The following BCL6 variants were observed in gnomAD, a reference collection of about 807,000 sequenced individuals.
The protein encoded by BCL6 is BCL6 transcription repressor.
BCL6 carries 7 observed loss-of-function variants against 59.5 expected under a neutral mutation model. The ratio of observed to expected loss-of-function variants is 0.12; its 90% CI spans 0.07 to 0.22. The LOEUF is 0.22. Among genes scored for constraint, BCL6 ranks in the 10% least tolerant of loss-of-function variants. BCL6 has a pLI of 1.00. For synonymous variants in BCL6, 339 were observed against 349.7 expected (o/e 0.97, Z 0.34); for missense variants, 685 against 939.4 (o/e 0.73, Z 3.54).
chr3:187,738,345 C>T (rs146519769), intron 1 of BCL6, among the ~76,000 whole-genome samples: 1 of 152,270 alleles, frequency 6.6e-6, no homozygotes, highest in East Asian at 1.9e-4. Context: ...ATCATAGGCG[C>T]CCCAGGCAAG....
intron 1 of BCL6, among the ~76,000 whole-genome samples, chr3:187,743,745 C>T (rs576922880): frequency 1.3e-5 from 2 of 150,434 alleles, no homozygotes; most frequent in African/African-American, 2.5e-5. Flanking sequence ...TTTCTCCCCG[C>T]CCGCCCCCGG....
intron 3 of BCL6, 145 bp downstream of exon 3, chr3:187,733,388 T>C: frequency 1.1e-6 from 1 of 910,064 alleles, no homozygotes; most frequent in Non-Finnish European, 1.7e-6. Flanking sequence ...GGGAGCCTAC[T>C]GTGCCACGCC....
rs1469674179 is a variant in BCL6 at position 187,745,432 on chromosome 3, A to C, written c.-72T>G. On this transcript the variant is annotated 5_prime_UTR_variant, in exon 1 of 10. Transcript: ENST00000406870. ...CACCTGGTGTCCGGCCTTTCCTAGAAACTTCTTGCATCACCACTTCTAAGA... is the reference window on the plus strand; with the variant it reads ...CACCTGGTGTCCGGCCTTTCCTAGACACTTCTTGCATCACCACTTCTAAGA... 1 of 399,546 alleles carries C rather than the reference A, an allele frequency of 2.5e-6. No individual in the cohort carries two copies. The highest frequency in any genetic ancestry group is 4.4e-6 in the Non-Finnish European group (1 of 226,370). The allele number at this position is 399,546 out of a possible 1,614,324, so 24.8% of individuals were successfully genotyped here.
At chr3:187,726,147 CAG>C (rs1478792733) in intron 7 of BCL6, among the ~76,000 whole-genome samples, 37 of 152,140 alleles carry the variant, frequency 2.4e-4, no homozygotes, top group Admixed American at 2.4e-3. Context: ...TTAGAACAAA[CAG>C]ATTTTTCCGC....
At chr3:187,744,508 A>C (rs4686467) in intron 1 of BCL6, among the ~76,000 whole-genome samples, 1 of 152,056 alleles carries the variant, frequency 6.6e-6, no homozygotes, top group East Asian at 1.9e-4. Context: ...CTCGGCTCTC[A>C]TTAGGAAGAT....
At chr3:187,737,931 G>A (rs1468271249) in intron 1 of BCL6, 2 of 151,840 alleles carry the variant, frequency 1.3e-5, no homozygotes, top group Admixed American at 6.6e-5. Context: ...TGCCGGCCCC[G>A]GCAGCCGCCA....
chr3:187,725,384 C>A lies in BCL6; in HGVS notation c.1839+115G>T. On this transcript the variant is annotated intron_variant, in intron 8 of 9. Coordinates refer to ENST00000406870, the MANE Select transcript of BCL6 (RefSeq NM_001706.5). This position sits in a 1 kb window ranked among gnomAD's most constrained non-coding sequence, Gnocchi z 4.7. ...GCCCGCTCTGCTCACCTGCCCGCTC[C>A]GCTTGCCTGCCCGCTCCACTTGCCT... The A allele has an allele frequency of 6.5e-7, 1 of 1,543,968 alleles. No individual in the cohort carries two copies. The highest frequency in any genetic ancestry group is 8.7e-7 in the Non-Finnish European group (1 of 1,147,810).
At chr3:187,728,008 A>G (rs1346961732) in intron 6 of BCL6, among the ~76,000 whole-genome samples, 2 of 152,224 alleles carry the variant, frequency 1.3e-5, no homozygotes, top group African/African-American at 4.8e-5. Flanking sequence ...CTGGCAGAGA[A>G]TAACATGCAC....
At position 187,722,384 on chromosome 3, in the gene BCL6, T is replaced by C. The variant is rs1157498858; in HGVS notation, c.*74A>G. The C allele has an allele frequency of 4.2e-6, 5 of 1,199,102 alleles. No individual in the cohort carries two copies. The highest frequency in any genetic ancestry group is 3.7e-5 in the African/African-American group (2 of 53,886). The allele number at this position is 1,199,102 out of a possible 1,614,324, so 74.3% of individuals were successfully genotyped here. On this transcript the variant is annotated 3_prime_UTR_variant, in exon 10 of 10. Coordinates refer to ENST00000406870, the MANE Select transcript of BCL6 (RefSeq NM_001706.5). ...GAGGCACTACATCATGGGATGAACA[T>C]TGTAAAGTGTTACAGTATCCTTTGG... is the stretch of plus-strand genomic sequence containing the variant.
At chr3:187,745,114 A>G (rs1711868276) in intron 1 of BCL6, among the ~76,000 whole-genome samples, 4 of 152,264 alleles carry the variant, frequency 2.6e-5, no homozygotes, top group South Asian at 2.1e-4. Context: ...ATTCACTCAA[A>G]GACAACAATA....
intron 1 of BCL6, among the ~76,000 whole-genome samples, chr3:187,745,121 A>T (rs144694892): frequency 6.6e-6 from 1 of 152,184 alleles, no homozygotes; most frequent in East Asian, 1.9e-4. Context: ...CAAAGACAAC[A>T]ATAATAATAA....
intron 1 of BCL6, among the ~76,000 whole-genome samples, chr3:187,740,558 C>A (rs892813865): frequency 1.3e-5 from 2 of 152,194 alleles, no homozygotes; most frequent in African/African-American, 4.8e-5. Context: ...CTCATAAATA[C>A]TTCTAAGGAG....
At chr3:187,745,350 G>T (rs1369534957) in intron 1 of BCL6, 60 bp downstream of exon 1, 2 of 401,406 alleles carry the variant, frequency 5.0e-6, no homozygotes, top group South Asian at 1.2e-4. Context: ...CGGCACCAGC[G>T]GCAACAGCGG....
At chr3:187,741,625 T>C (rs1405057740) in intron 1 of BCL6, among the ~76,000 whole-genome samples, 6 of 152,316 alleles carry the variant, frequency 3.9e-5, no homozygotes, top group African/African-American at 1.4e-4. Flanking sequence ...GCCACCACGC[T>C]GCACCCTCGC....
At position 187,725,168 on chromosome 3, in the gene BCL6, C is replaced by T; in HGVS notation, c.1840-90G>A. On this transcript the variant is annotated intron_variant, in intron 8 of 9. Transcript: ENST00000406870. The surrounding 1 kb of genome is among the most constrained non-coding windows in gnomAD (Gnocchi z 4.7). ...ATTAGCACACAGCCAGTGAGTGGGCCTTTCTCCAGGCCACTCTGCTCACCT... is the reference window on the plus strand; with the variant it reads ...ATTAGCACACAGCCAGTGAGTGGGCTTTTCTCCAGGCCACTCTGCTCACCT... 6.4e-7 allele frequency: 1 copy of T among 1,561,924 alleles called. No homozygotes were observed. Among genetic ancestry groups the T allele is most frequent in the Non-Finnish European group, 8.8e-7 (1 of 1,142,554 alleles).
chr3:187,725,412 C>T lies in BCL6; in HGVS notation c.1839+87G>A. On this transcript the variant is annotated intron_variant, in intron 8 of 9. Coordinates refer to ENST00000406870, the MANE Select transcript of BCL6 (RefSeq NM_001706.5). The surrounding 1 kb of genome is among the most constrained non-coding windows in gnomAD (Gnocchi z 4.7). ...TTGCCTGCCCGCTCCACTTGCCTGC[C>T]CACTCCTCCGCTTGCCTGCCCACTC... is the stretch of plus-strand genomic sequence containing the variant. 1 of 1,570,150 alleles carries T rather than the reference C, an allele frequency of 6.4e-7. No homozygotes were observed. The highest frequency in any genetic ancestry group is 8.6e-7 in the Non-Finnish European group (1 of 1,158,364).
At position 187,725,425 on chromosome 3, in the gene BCL6, T is replaced by C. The variant is rs9755700; in HGVS notation, c.1839+74A>G. 0.13 allele frequency: 198,487 copies of C among 1,568,020 alleles called. 13,243 individuals are homozygous for C. The highest frequency in any genetic ancestry group is 0.19 in the South Asian group (17,285 of 88,672). ...CCACTTGCCTGCCCACTCCTCCGCT[T>C]GCCTGCCCACTCCTCCGCTCGCCTG... On this transcript the variant is annotated intron_variant, in intron 8 of 9. Transcript: ENST00000406870. The surrounding 1 kb of genome is among the most constrained non-coding windows in gnomAD (Gnocchi z 4.7).
Position 187,730,090 on chromosome 3 carries a change from G to A in BCL6, c.384-69C>T, listed in dbSNP as rs545529344. The A allele has an allele frequency of 1.7e-5, 26 of 1,504,552 alleles. No homozygotes were observed. In the South Asian group the frequency reaches 3.4e-4, roughly 20 times the overall value. The allele number at this position is 1,504,552 out of a possible 1,614,324, so 93.2% of individuals were successfully genotyped here. On this transcript the variant is annotated intron_variant, in intron 4 of 9. Transcript: ENST00000406870. The stretch of plus-strand genomic sequence containing the variant: ...ACTGTTAAATAGATGACCTTCCAGT[G>A]ACACTTATATAACCACATCTGTGTT...
chr3:187,742,007 C>T (rs540744333), intron 1 of BCL6, among the ~76,000 whole-genome samples: 1 of 152,260 alleles, frequency 6.6e-6, no homozygotes, highest in African/African-American at 2.4e-5. Context: ...AACCACGTTG[C>T]CTATTATAAC....
Sources: allele counts gnomAD v4.1 joint callset (sites outside exome capture counted in the v4.1 genomes callset), GRCh38; gene constraint gnomAD v4.1.1; non-coding constraint Gnocchi (gnomAD v3.1); transcripts MANE v1.5; gene names NCBI Gene and HGNC (gene_info 2026-07-23, HGNC 2026-07-21).